The following SCRG1 variants were observed in gnomAD, a reference collection of about 807,000 sequenced individuals.
SCRG1 encodes stimulator of chondrogenesis 1, also known as scrapie-responsive protein 1.
SCRG1 carries 3 observed loss-of-function variants against 7.7 expected under a neutral mutation model. The observed-to-expected ratio is 0.39, with a 90% confidence interval of 0.18 to 1.01. The LOEUF is 1.01. SCRG1 is among the 50% of genes least tolerant of loss of function. SCRG1 has a pLI of 0.36. For synonymous variants in SCRG1, 46 were observed against 41.2 expected, an observed-to-expected ratio of 1.12 and a Z score of -0.44; for missense variants, 110 against 117.2, an observed-to-expected ratio of 0.94 and a Z score of 0.28.
chr4:173,483,656 ATTG>A, the SCRG1 span, among the ~76,000 whole-genome samples: 77 of 19,792 alleles, frequency 3.9e-3, 10 homozygotes, highest in Middle Eastern at 0.042. Context: ...GATATATTAT[ATTG>A]TGATATATAA....
At chr4:173,446,086 C>T in the SCRG1 span, among the ~76,000 whole-genome samples, 1 of 152,008 alleles carries the variant, frequency 6.6e-6, no homozygotes, top group Non-Finnish European at 1.5e-5. Flanking sequence ...TTTTTTAAAA[C>T]TACAAAAATC....
At chr4:173,519,040 C>T in the SCRG1 span, among the ~76,000 whole-genome samples, 45 of 151,602 alleles carry the variant, frequency 3.0e-4, no homozygotes, top group Admixed American at 2.8e-3. Flanking sequence ...GCTAGGCGAA[C>T]AGGAACCCCC....
the SCRG1 span, among the ~76,000 whole-genome samples, chr4:173,509,150 C>T: frequency 1.3e-5 from 2 of 152,148 alleles, no homozygotes; most frequent in African/African-American, 4.8e-5. This position sits in a 1 kb window ranked among gnomAD's most constrained non-coding sequence, Gnocchi z 5.7. Flanking sequence ...CTTGTTTTCT[C>T]ATGCAAATAA....
upstream of SCRG1, among the ~76,000 whole-genome samples, chr4:173,402,748 G>T (rs905735601): frequency 6.6e-6 from 1 of 152,110 alleles, no homozygotes; most frequent in African/African-American, 2.4e-5. Context: ...ACCAAGGCTG[G>T]CAGTATGGGG....
At chr4:173,428,383 T>C in the SCRG1 span, among the ~76,000 whole-genome samples, 7 of 152,372 alleles carry the variant, frequency 4.6e-5, no homozygotes, top group Non-Finnish European at 8.8e-5. Flanking sequence ...TTTAAAATGG[T>C]ACACTTTCTG....
the SCRG1 span, among the ~76,000 whole-genome samples, chr4:173,501,008 G>A: frequency 3.3e-5 from 5 of 152,368 alleles, no homozygotes; most frequent in African/African-American, 9.6e-5. This position sits in a 1 kb window ranked among gnomAD's most constrained non-coding sequence, Gnocchi z 5.1. Flanking sequence ...GGGAAACCCA[G>A]AGGCGGGAGG....
the SCRG1 span, chr4:173,419,834 C>T: frequency 7.1e-7 from 1 of 1,400,438 alleles, no homozygotes; most frequent in Non-Finnish European, 1.0e-6. Flanking sequence ...CTTGTCCATG[C>T]CTAACCTATT....
the SCRG1 span, among the ~76,000 whole-genome samples, chr4:173,437,279 C>T: frequency 7.2e-5 from 11 of 152,164 alleles, no homozygotes; most frequent in East Asian, 1.9e-4. Flanking sequence ...CACACACACA[C>T]GCACAGAGTA....
chr4:173,512,599 C>T, the SCRG1 span, among the ~76,000 whole-genome samples: 5 of 152,206 alleles, frequency 3.3e-5, no homozygotes, highest in African/African-American at 1.2e-4. Flanking sequence ...GGGTTTGATT[C>T]AACTTAACTG....
chr4:173,514,766 T>G, the SCRG1 span, among the ~76,000 whole-genome samples: 1 of 152,266 alleles, frequency 6.6e-6, no homozygotes, highest in South Asian at 2.1e-4. Context: ...CAGGTCATTC[T>G]TTTGTTTATG....
chr4:173,419,912 A>G, the SCRG1 span: 1 of 862,624 alleles, frequency 1.2e-6, no homozygotes, highest in South Asian at 1.3e-5. Context: ...GCCGGCCTTC[A>G]CACCATATTT....
the SCRG1 span, among the ~76,000 whole-genome samples, chr4:173,493,194 T>C: frequency 6.6e-6 from 1 of 152,054 alleles, no homozygotes; most frequent in South Asian, 2.1e-4. Flanking sequence ...TAGGAGGTAA[T>C]TGAATCAGGG....
chr4:173,421,711 A>C, the SCRG1 span, among the ~76,000 whole-genome samples: 2 of 152,222 alleles, frequency 1.3e-5, no homozygotes, highest in African/African-American at 4.8e-5. Flanking sequence ...GGATAAATGC[A>C]GGGGTAGATT....
At chr4:173,445,332 C>G in the SCRG1 span, among the ~76,000 whole-genome samples, 1 of 151,888 alleles carries the variant, frequency 6.6e-6, no homozygotes. Context: ...CCTGTAATCC[C>G]AGCATTTTGT....
At chr4:173,438,897 C>T in the SCRG1 span, among the ~76,000 whole-genome samples, 1 of 152,030 alleles carries the variant, frequency 6.6e-6, no homozygotes, top group Non-Finnish European at 1.5e-5. Context: ...ACCGTGTTGG[C>T]TGTTCACCAA....
chr4:173,464,132 T>G, the SCRG1 span, among the ~76,000 whole-genome samples: 1 of 151,892 alleles, frequency 6.6e-6, no homozygotes, highest in Non-Finnish European at 1.5e-5. Flanking sequence ...TCTCACTACT[T>G]GACAGCATCT....
upstream of SCRG1, among the ~76,000 whole-genome samples, chr4:173,409,511 C>A (rs1401360449): frequency 2.0e-5 from 3 of 151,952 alleles, no homozygotes; most frequent in Non-Finnish European, 4.4e-5. Context: ...TGACTCATGT[C>A]CCATTTGAAG....
chr4:173,509,284 G>T, the SCRG1 span, among the ~76,000 whole-genome samples: 3 of 152,180 alleles, frequency 2.0e-5, no homozygotes, highest in Non-Finnish European at 4.4e-5. The surrounding 1 kb of genome is among the most constrained non-coding windows in gnomAD (Gnocchi z 5.7). Context: ...TCGCGGGGAG[G>T]ATGGGACGCG....
chr4:173,424,616 T>C, the SCRG1 span, among the ~76,000 whole-genome samples: 1 of 152,078 alleles, frequency 6.6e-6, no homozygotes, highest in Admixed American at 6.5e-5. Flanking sequence ...GCTTAAGAAA[T>C]GTATGAAGCT....
Sources: gnomAD v4.1 joint callset for allele counts (sites outside exome capture counted in the v4.1 genomes callset) on GRCh38, gnomAD v4.1.1 for gene constraint, Gnocchi (gnomAD v3.1) non-coding constraint, MANE v1.5 for transcripts, NCBI Gene and HGNC (gene_info 2026-07-23, HGNC 2026-07-21) for gene names.